The following SCHIP1 variants were observed in gnomAD, a reference collection of about 807,000 sequenced individuals.
SCHIP1 encodes schwannomin interacting protein 1.
A neutral mutation model predicts 29.7 loss-of-function variants in SCHIP1; 8 were observed. That is an observed-to-expected ratio of 0.27 (90% CI 0.16 to 0.49). SCHIP1 has a LOEUF of 0.49. Among genes scored for constraint, SCHIP1 ranks in the 20% least tolerant of loss-of-function variants. The probability of loss-of-function intolerance (pLI) is 0.99; values close to 1 mark genes in which losing one functional copy is unlikely to be tolerated. For missense variants in SCHIP1, 193 were observed against 294.6 expected (o/e 0.66, Z 2.52); for synonymous variants, 76 against 94.9 (o/e 0.80, Z 1.16).
At chr3:159,683,465 T>A in the SCHIP1 span, among the ~76,000 whole-genome samples, 17 of 152,178 alleles carry the variant, frequency 1.1e-4, no homozygotes, top group Non-Finnish European at 2.2e-4. Context: ...TTTGTAATAT[T>A]CTTTCTCAGC....
the SCHIP1 span, among the ~76,000 whole-genome samples, chr3:159,478,318 A>T: frequency 2.0e-5 from 3 of 152,140 alleles, no homozygotes; most frequent in African/African-American, 7.2e-5. Flanking sequence ...TTTCCCCAAC[A>T]CCATTTGTTG....
chr3:159,286,159 A>G, the SCHIP1 span, among the ~76,000 whole-genome samples: 4 of 152,010 alleles, frequency 2.6e-5, no homozygotes, highest in Non-Finnish European at 5.9e-5. Flanking sequence ...TGTATAAACT[A>G]TTTTGCCACC....
the SCHIP1 span, among the ~76,000 whole-genome samples, chr3:159,672,642 A>G: frequency 5.1e-3 from 771 of 152,286 alleles, 3 homozygotes; most frequent in Middle Eastern, 0.01. Context: ...AACATCCTAC[A>G]ATGCACAGGA....
At chr3:159,883,930 T>G (rs1251534039) in intron 2 of SCHIP1, among the ~76,000 whole-genome samples, 2 of 152,192 alleles carry the variant, frequency 1.3e-5, no homozygotes, top group African/African-American at 4.8e-5. Flanking sequence ...GAAGTCAGCG[T>G]GGCCGCAGAA....
the SCHIP1 span, among the ~76,000 whole-genome samples, chr3:159,639,675 G>A: frequency 6.6e-6 from 1 of 152,140 alleles, no homozygotes; most frequent in Admixed American, 6.5e-5. Flanking sequence ...AACCATATGA[G>A]TCTATGGTTT....
chr3:159,757,616 A>G, the SCHIP1 span, among the ~76,000 whole-genome samples: 3 of 152,176 alleles, frequency 2.0e-5, no homozygotes, highest in Admixed American at 1.3e-4. Context: ...TGGCCCCTGG[A>G]GGCACCTAAG....
At chr3:159,529,497 A>C in the SCHIP1 span, among the ~76,000 whole-genome samples, 4 of 152,114 alleles carry the variant, frequency 2.6e-5, no homozygotes, top group Admixed American at 2.6e-4. Context: ...CATAATAGTC[A>C]TACATATTTA....
the SCHIP1 span, among the ~76,000 whole-genome samples, chr3:159,440,100 A>T: frequency 6.6e-6 from 1 of 152,262 alleles, no homozygotes; most frequent in South Asian, 2.1e-4. Context: ...GAAGGGATCC[A>T]GTTTCAATTT....
At chr3:159,528,482 C>T in the SCHIP1 span, among the ~76,000 whole-genome samples, 10 of 152,282 alleles carry the variant, frequency 6.6e-5, 1 homozygote, top group African/African-American at 2.2e-4. Context: ...CTGGCAGTGG[C>T]GACTCTACTT....
the SCHIP1 span, among the ~76,000 whole-genome samples, chr3:159,411,221 A>G: frequency 6.6e-6 from 1 of 152,128 alleles, no homozygotes; most frequent in Non-Finnish European, 1.5e-5. Flanking sequence ...TGATAGGACA[A>G]TGGGGCAAGT....
chr3:159,449,014 A>G, the SCHIP1 span, among the ~76,000 whole-genome samples: 1 of 152,340 alleles, frequency 6.6e-6, no homozygotes, highest in East Asian at 1.9e-4. Context: ...AAAAGAAGTT[A>G]AAACACTGCT....
the SCHIP1 span, among the ~76,000 whole-genome samples, chr3:159,459,467 T>C: frequency 2.0e-5 from 3 of 152,060 alleles, no homozygotes; most frequent in African/African-American, 4.8e-5. Flanking sequence ...GCTGGAGATA[T>C]AGAAATGTCC....
At chr3:159,727,694 G>T in the SCHIP1 span, among the ~76,000 whole-genome samples, 1 of 152,142 alleles carries the variant, frequency 6.6e-6, no homozygotes, top group Non-Finnish European at 1.5e-5. Context: ...TGTGGGTCTG[G>T]GGAACAAAGC....
chr3:159,325,278 TC>T, the SCHIP1 span, among the ~76,000 whole-genome samples: 168 of 152,274 alleles, frequency 1.1e-3, no homozygotes, highest in African/African-American at 3.8e-3. Context: ...CTGAAGATTT[TC>T]TTTCCAGAAA....
chr3:159,815,351 T>G, the SCHIP1 span, among the ~76,000 whole-genome samples: 1 of 152,182 alleles, frequency 6.6e-6, no homozygotes, highest in Non-Finnish European at 1.5e-5. Context: ...ACATGTATGT[T>G]TTAAAGAATG....
the SCHIP1 span, among the ~76,000 whole-genome samples, chr3:159,347,969 G>T: frequency 2.6e-5 from 4 of 152,114 alleles, no homozygotes; most frequent in Admixed American, 2.6e-4. Flanking sequence ...GTGCTTTATG[G>T]TGTCTTTTAA....
At chr3:159,665,745 G>A in the SCHIP1 span, among the ~76,000 whole-genome samples, 2 of 152,202 alleles carry the variant, frequency 1.3e-5, no homozygotes, top group African/African-American at 2.4e-5. Context: ...TGCCAATAGT[G>A]TGAAAAGTTG....
the SCHIP1 span, among the ~76,000 whole-genome samples, chr3:159,763,392 G>A: frequency 1.3e-5 from 2 of 152,142 alleles, no homozygotes; most frequent in African/African-American, 2.4e-5. Flanking sequence ...GGCTTCGGCG[G>A]GGTAACGAGT....
chr3:159,524,395 T>C, the SCHIP1 span, among the ~76,000 whole-genome samples: 6 of 152,382 alleles, frequency 3.9e-5, no homozygotes, highest in Non-Finnish European at 7.3e-5. Context: ...AAGCCAAGAA[T>C]GCCTTGTAGC....
Sources: gnomAD v4.1 joint callset for allele counts (sites outside exome capture counted in the v4.1 genomes callset) on GRCh38, gnomAD v4.1.1 for gene constraint, MANE v1.5 for transcripts, NCBI Gene and HGNC (gene_info 2026-07-23, HGNC 2026-07-21) for gene names.